Variants in GSE1 observed in about 807,000 individuals in gnomAD.
GSE1 encodes the protein Gse1 coiled-coil protein, also known as genetic suppressor element 1.
GSE1 carries 32 observed loss-of-function variants against 112.6 expected under a neutral mutation model. The ratio of observed to expected loss-of-function variants is 0.28; its 90% CI spans 0.21 to 0.38. The LOEUF is 0.38. Among genes scored for constraint, GSE1 ranks in the 10% least tolerant of loss-of-function variants. The pLI is 1.00. For missense variants in GSE1, 2,348 were observed against 1,699.2 expected (o/e 1.38, Z -6.71); for synonymous variants, 1,115 against 735.6 (o/e 1.52, Z -8.35).
chr16:85,219,402 T>TG (rs2075355528), intron 1 of GSE1, among the ~76,000 whole-genome samples: 1 of 152,212 alleles, frequency 6.6e-6, no homozygotes, highest in African/African-American at 2.4e-5. Context: ...TGTGGGGAGC[T>TG]GGTTAAAAGT....
chr16:85,428,705 C>G (rs1019094508), intron 2 of GSE1, among the ~76,000 whole-genome samples: 2 of 152,132 alleles, frequency 1.3e-5, no homozygotes, highest in Non-Finnish European at 2.9e-5. Flanking sequence ...GTCCACAGCC[C>G]CAGAAGATGA....
chr16:85,553,478 G>A (rs1598156541), upstream of GSE1, among the ~76,000 whole-genome samples: 1 of 151,686 alleles, frequency 6.6e-6, no homozygotes, highest in East Asian at 1.9e-4. Context: ...TTTCCTACAG[G>A]TCAGCAGCTC....
chr16:85,187,662 G>A (rs780678539), intron 1 of GSE1, among the ~76,000 whole-genome samples: 18 of 152,084 alleles, frequency 1.2e-4, no homozygotes, highest in African/African-American at 2.7e-4. Context: ...ATCAGGCCTC[G>A]CCCCCACCTG....
At chr16:85,344,405 C>T (rs1337423093) in intron 1 of GSE1, among the ~76,000 whole-genome samples, 1 of 152,250 alleles carries the variant, frequency 6.6e-6, no homozygotes, top group South Asian at 2.1e-4. Context: ...CCTTGGCTGA[C>T]TGCCCGAAGC....
At chr16:85,365,191 A>G (rs2047161689) in intron 2 of GSE1, among the ~76,000 whole-genome samples, 1 of 152,140 alleles carries the variant, frequency 6.6e-6, no homozygotes, top group Non-Finnish European at 1.5e-5. Flanking sequence ...GTCTGAAGTC[A>G]CGCTTGCATC....
intron 1 of GSE1, among the ~76,000 whole-genome samples, chr16:85,333,036 C>T (rs1057479975): frequency 1.3e-5 from 2 of 152,154 alleles, no homozygotes; most frequent in African/African-American, 4.8e-5. Flanking sequence ...ACTTCTCCAC[C>T]TGTCATCCCT....
intron 2 of GSE1, among the ~76,000 whole-genome samples, chr16:85,361,059 T>C (rs1172278624): frequency 1.3e-5 from 2 of 151,424 alleles, no homozygotes; most frequent in Non-Finnish European, 2.9e-5. Context: ...GATACACATA[T>C]GGATACATAC....
intron 2 of GSE1, among the ~76,000 whole-genome samples, chr16:85,420,074 G>A (rs909722289): frequency 6.6e-6 from 1 of 151,490 alleles, no homozygotes; most frequent in Non-Finnish European, 1.5e-5. Context: ...TCTGACGGGT[G>A]CCCTGGCAGA....
At chr16:85,621,041 G>T (rs2048703621) in intron 1 of GSE1, among the ~76,000 whole-genome samples, 2 of 152,138 alleles carry the variant, frequency 1.3e-5, no homozygotes, top group Admixed American at 6.5e-5. Context: ...CTGGGTCTCT[G>T]CTGTGTGGGG....
At chr16:85,227,823 C>G (rs901281217) in intron 1 of GSE1, among the ~76,000 whole-genome samples, 1 of 152,216 alleles carries the variant, frequency 6.6e-6, no homozygotes, top group African/African-American at 2.4e-5. Flanking sequence ...TCACTGTTTG[C>G]TGAATGCTGG....
intron 2 of GSE1, among the ~76,000 whole-genome samples, chr16:85,440,275 A>C (rs2049345372): frequency 6.6e-6 from 1 of 152,232 alleles, no homozygotes; most frequent in African/African-American, 2.4e-5. Flanking sequence ...CACCTTTAGG[A>C]CATTCAGAGA....
chr16:85,640,752 C>T (rs925170019), intron 2 of GSE1, among the ~76,000 whole-genome samples: 7 of 152,386 alleles, frequency 4.6e-5, no homozygotes, highest in Non-Finnish European at 2.9e-5. Flanking sequence ...AAAACAAACA[C>T]GGAGGAAGGA....
chr16:85,337,742 C>T (rs1275831978), intron 1 of GSE1, among the ~76,000 whole-genome samples: 1 of 152,226 alleles, frequency 6.6e-6, no homozygotes, highest in Admixed American at 6.5e-5. Flanking sequence ...CAGCACAGGG[C>T]CCAGGGCAGG....
In GSE1 at chr16:85,654,829, G is replaced by A. The variant is rs1328995039; in HGVS notation, c.635G>A (p.Ser212Asn). 3 of 1,611,774 alleles carry A rather than the reference G, an allele frequency of 1.9e-6. No homozygotes were observed. The highest frequency in any genetic ancestry group is 1.1e-5 in the South Asian group (1 of 91,026). ...CCCGTGCACCACGTGGTGCCCCCCA[G>A]TACCGTGACCGAGGACTACCTGAGA... The part of the protein sequence containing the change: ...QRPVHHVVPP[S>N]TVTEDYLRSF... The change falls in exon 5 of 16, where the codon AGT becomes AAT. Residue 212 changes from serine to asparagine, a missense_variant. Ser to Asn is a conservative substitution (Grantham distance 46). Transcript: ENST00000253458.
chr16:85,663,115 G>T, intron 10 of GSE1, 22 bp downstream of exon 10: 1 of 1,496,218 alleles, frequency 6.7e-7, no homozygotes, highest in Non-Finnish European at 9.3e-7. Flanking sequence ...TCCTCCCCAC[G>T]GACATGCTCT....
intron 2 of GSE1, among the ~76,000 whole-genome samples, chr16:85,381,925 G>C (rs2047555023): frequency 6.6e-6 from 1 of 152,298 alleles, no homozygotes; most frequent in South Asian, 2.1e-4. Context: ...GCTGGGGCCA[G>C]GCTTCCAGGC....
intron 1 of GSE1, among the ~76,000 whole-genome samples, chr16:85,192,660 C>T (rs192707096): frequency 7.2e-4 from 109 of 152,258 alleles, no homozygotes; most frequent in Admixed American, 1.4e-3. Context: ...CTAAGCTCGT[C>T]GGGCACTGGG....
At chr16:85,572,297 ACACACACCACATACCACACAACACAC>A (rs2061837229) in intron 1 of GSE1, among the ~76,000 whole-genome samples, 1 of 138,962 alleles carries the variant, frequency 7.2e-6, no homozygotes, top group Admixed American at 7.0e-5. Context: ...CCCACACACA[ACACACACCACATACCACACAACACAC>A]CACACACACC....
intron 2 of GSE1, among the ~76,000 whole-genome samples, chr16:85,641,310 C>T (rs2050427685): frequency 6.6e-6 from 1 of 152,228 alleles, no homozygotes; most frequent in Admixed American, 6.5e-5. Flanking sequence ...ACATAATCCG[C>T]CCCCGGCAAA....
Sources: gnomAD v4.1 joint callset for allele counts (sites outside exome capture counted in the v4.1 genomes callset) on GRCh38, gnomAD v4.1.1 for gene constraint, MANE v1.5 for transcripts, NCBI Gene and HGNC (gene_info 2026-07-23, HGNC 2026-07-21) for gene names.